The following FKBP5 variants were observed in gnomAD, a reference collection of about 807,000 sequenced individuals.
FKBP5 encodes the protein peptidyl-prolyl cis-trans isomerase FKBP5.
A neutral mutation model predicts 50.5 loss-of-function variants in FKBP5; 23 were observed. That is an observed-to-expected ratio of 0.46 (90% confidence interval 0.33 to 0.65). The LOEUF (loss-of-function observed/expected upper bound fraction) is 0.65, where lower values mean the gene tolerates loss of function less well. FKBP5 is among the 30% of genes least tolerant of loss of function. The pLI, the probability that FKBP5 is intolerant of heterozygous loss-of-function variation, is 0.02. For synonymous variants in FKBP5, 176 were observed against 190.6 expected (o/e 0.92, Z 0.63); for missense variants, 411 against 553.1 (o/e 0.74, Z 2.58).
intron 1 of FKBP5, among the ~76,000 whole-genome samples, chr6:35,646,773 C>T (rs770454177): frequency 2.6e-5 from 4 of 152,184 alleles, no homozygotes; most frequent in Non-Finnish European, 5.9e-5. Flanking sequence ...CCCAATGCAT[C>T]AGAAAGGGAA....
chr6:35,713,717 G>C (rs1766458455), intron 2 of FKBP5, among the ~76,000 whole-genome samples: 1 of 152,180 alleles, frequency 6.6e-6, no homozygotes, highest in Non-Finnish European at 1.5e-5. Flanking sequence ...GGGTAGCAGA[G>C]AATGTAAAAA....
chr6:35,652,377 A>G (rs577048410), intron 1 of FKBP5, among the ~76,000 whole-genome samples: 1 of 152,336 alleles, frequency 6.6e-6, no homozygotes, highest in Non-Finnish European at 1.5e-5. Context: ...GAACAGAGCC[A>G]TATTTCTCTT....
intron 2 of FKBP5, among the ~76,000 whole-genome samples, chr6:35,694,010 TA>T (rs959382419): frequency 4.2e-4 from 63 of 150,004 alleles, no homozygotes; most frequent in African/African-American, 1.2e-3. Context: ...CTTTTTACTT[TA>T]AAAAAAAAAT....
intron 8 of FKBP5, chr6:35,585,859 C>A (rs1488561705): frequency 2.0e-6 from 2 of 985,262 alleles, no homozygotes; most frequent in East Asian, 2.3e-4. Context: ...ATGGTGCCCT[C>A]TGGCTGTGTT....
chr6:35,594,664 C>T (rs1014712326), intron 6 of FKBP5, among the ~76,000 whole-genome samples: 12 of 152,038 alleles, frequency 7.9e-5, no homozygotes, highest in Admixed American at 1.3e-4. Flanking sequence ...TCTATACACA[C>T]AGTATGCATA....
intron 5 of FKBP5, among the ~76,000 whole-genome samples, chr6:35,606,934 T>C (rs959911689): frequency 2.0e-5 from 3 of 152,080 alleles, no homozygotes; most frequent in Non-Finnish European, 2.9e-5. Context: ...TACTGCAGCA[T>C]TGTTTGTGTG....
intron 8 of FKBP5, 147 bp downstream of exon 8, chr6:35,586,887 C>T: frequency 2.1e-5 from 30 of 1,461,724 alleles, no homozygotes; most frequent in South Asian, 1.3e-4. Context: ...CACCATTTTT[C>T]ATATTGAAAA....
chr6:35,706,806 A>G (rs1420740255), intron 2 of FKBP5, among the ~76,000 whole-genome samples: 2 of 152,236 alleles, frequency 1.3e-5, no homozygotes, highest in African/African-American at 4.8e-5. Context: ...GAAACTAAAG[A>G]CAATTTGATC....
intron 7 of FKBP5, among the ~76,000 whole-genome samples, chr6:35,588,983 T>C (rs1762707257): frequency 6.7e-6 from 1 of 150,326 alleles, no homozygotes; most frequent in African/African-American, 2.4e-5. Context: ...GCTCAAGTAA[T>C]CCTGCCTTGG....
At chr6:35,653,756 G>A (rs1764876183) in intron 1 of FKBP5, among the ~76,000 whole-genome samples, 1 of 152,086 alleles carries the variant, frequency 6.6e-6, no homozygotes, top group Non-Finnish European at 1.5e-5. Flanking sequence ...GATGACAGAA[G>A]CCAAAATAAA....
At chr6:35,691,147 C>T (rs1275102222), upstream of FKBP5, among the ~76,000 whole-genome samples, 2 of 152,180 alleles carry the variant, frequency 1.3e-5, no homozygotes, top group African/African-American at 4.8e-5. Context: ...CATGTCAGTT[C>T]TCCTCTTCAT....
intron 6 of FKBP5, among the ~76,000 whole-genome samples, chr6:35,596,152 T>C (rs1210913362): frequency 1.3e-5 from 2 of 151,936 alleles, no homozygotes; most frequent in Non-Finnish European, 2.9e-5. Context: ...GTCAGGCGTT[T>C]GAGACCAGCC....
intron 10 of FKBP5, among the ~76,000 whole-genome samples, chr6:35,576,392 C>A (rs931237749): frequency 2.6e-5 from 4 of 152,082 alleles, no homozygotes; most frequent in Non-Finnish European, 5.9e-5. Context: ...GACAAAAGGG[C>A]TGGGCATGGT....
At chr6:35,636,897 T>C (rs1764322550) in intron 3 of FKBP5, 117 bp downstream of exon 3, 2 of 881,110 alleles carry the variant, frequency 2.3e-6, no homozygotes, top group African/African-American at 1.8e-5. Flanking sequence ...GACCATTCTT[T>C]GAGTACTACT....
At chr6:35,717,268 A>G (rs1410141333) in intron 2 of FKBP5, among the ~76,000 whole-genome samples, 1 of 152,218 alleles carries the variant, frequency 6.6e-6, no homozygotes, top group Non-Finnish European at 1.5e-5. Context: ...AGCTCAAGGC[A>G]TGTGAGCTGG....
intron 7 of FKBP5, among the ~76,000 whole-genome samples, chr6:35,590,403 G>A (rs1250351916): frequency 6.6e-6 from 1 of 152,162 alleles, no homozygotes; most frequent in African/African-American, 2.4e-5. Flanking sequence ...GTGGGGCTTT[G>A]GAAATGCCAG....
chr6:35,648,718 G>A (rs2150992547), intron 1 of FKBP5, among the ~76,000 whole-genome samples: 1 of 152,284 alleles, frequency 6.6e-6, no homozygotes, highest in African/African-American at 2.4e-5. Flanking sequence ...GGAGGCCAGA[G>A]CAGCCAGATG....
chr6:35,711,449 C>T (rs1238698984), intron 2 of FKBP5, among the ~76,000 whole-genome samples: 1 of 151,992 alleles, frequency 6.6e-6, no homozygotes, highest in East Asian at 1.9e-4. Context: ...GAAACCCTGT[C>T]TCTACTAAAA....
intron 2 of FKBP5, among the ~76,000 whole-genome samples, chr6:35,696,121 G>A (rs1050384209): frequency 2.0e-5 from 3 of 148,896 alleles, no homozygotes; most frequent in African/African-American, 7.5e-5. Flanking sequence ...CTCCAGCCTG[G>A]GCGACAGTGT....
Sources: allele counts gnomAD v4.1 joint callset (sites outside exome capture counted in the v4.1 genomes callset), GRCh38; gene constraint gnomAD v4.1.1; transcripts MANE v1.5; gene names NCBI Gene and HGNC (gene_info 2026-07-23, HGNC 2026-07-21).